Variants in SCRN2 observed in about 807,000 individuals in gnomAD.
The protein encoded by SCRN2 is secernin 2.
Under a neutral mutation model 40.1 loss-of-function variants are expected in SCRN2, and 30 were observed. That is an observed-to-expected ratio of 0.75 (90% CI 0.56 to 1.01). The LOEUF is 1.01. SCRN2 is among the 50% of genes least tolerant of loss of function. SCRN2 has a pLI of 0.00. For missense variants in SCRN2, 526 were observed against 564.9 expected (o/e 0.93, Z 0.70); for synonymous variants, 240 against 233.5 (o/e 1.03, Z -0.25).
chr17:47,839,849 A>C (rs1330507491), intron 3 of SCRN2: 2 of 616,620 alleles, frequency 3.2e-6, no homozygotes, highest in East Asian at 2.7e-5. Flanking sequence ...TGAGGGTTCC[A>C]TGAAAAGGCC....
intron 4 of SCRN2, 133 bp downstream of exon 4, chr17:47,839,311 G>C (rs891877208): frequency 1.1e-6 from 1 of 927,090 alleles, no homozygotes; most frequent in Non-Finnish European, 1.6e-6. Flanking sequence ...CCAAGTGAAG[G>C]GGAGGAGAAT....
At position 47,837,745 on chromosome 17, in the gene SCRN2, G is replaced by A; in HGVS notation, c.*99C>T. On this transcript the variant is annotated 3_prime_UTR_variant, in exon 8 of 8. Transcript: ENST00000290216. ...GGCCAAGCTGGCCGCTCAGAACATG[G>A]CCAAGGAGCGTGAAGGGATTGCTCC... The A allele has an allele frequency of 1.4e-5, 20 of 1,384,212 alleles. No individual in the cohort carries two copies. The highest frequency in any genetic ancestry group is 1.8e-5 in the Non-Finnish European group (19 of 1,046,124). The allele number at this position is 1,384,212 out of a possible 1,614,324, so 85.7% of individuals were successfully genotyped here.
At chr17:47,840,610 G>A (rs572683905) in intron 2 of SCRN2, 60 bp downstream of exon 2, 2 of 1,509,222 alleles carry the variant, frequency 1.3e-6, no homozygotes, top group East Asian at 2.3e-5. Flanking sequence ...CAGGGAAGAA[G>A]GTCTTAAAAG....
chr17:47,840,611 G>A (rs2033801848), intron 2 of SCRN2, 59 bp downstream of exon 2: 4 of 1,517,458 alleles, frequency 2.6e-6, no homozygotes, highest in Non-Finnish European at 3.5e-6. Flanking sequence ...AGGGAAGAAG[G>A]TCTTAAAAGA....
At chr17:47,839,216 A>T (rs1271628523) in intron 4 of SCRN2, among the ~76,000 whole-genome samples, 1 of 152,220 alleles carries the variant, frequency 6.6e-6, no homozygotes, top group Non-Finnish European at 1.5e-5. Flanking sequence ...ACCTGCTTGC[A>T]TATAAGCAGG....
intron 4 of SCRN2, 109 bp downstream of exon 4, chr17:47,839,335 C>T (rs1156354995): frequency 1.8e-6 from 2 of 1,096,546 alleles, no homozygotes; most frequent in East Asian, 2.6e-5. Flanking sequence ...CAAGTGGGCT[C>T]ATCTCCCATC....
chr17:47,837,857 T>C lies in SCRN2; in HGVS notation c.1265A>G (p.Gln422Arg). ...LFQAFVKRESQAYA is the reference protein window; with the variant it reads ...LFQAFVKRESRAYA ...AAGCTATGAAGCTTACGCATAAGCC[T>C]GGCTCTCCCTCTTCACGAAGGCCTG... Residue 422 changes from glutamine (Q) to arginine (R), a missense_variant, in exon 8 of 8, where the codon CAG becomes CGG. Gln to Arg is a conservative substitution (Grantham distance 43, BLOSUM62 1). Transcript: ENST00000290216. 6.2e-7 allele frequency: 1 copy of C among 1,600,286 alleles called. No homozygotes were observed. Among genetic ancestry groups the C allele is most frequent in the African/African-American group, 1.3e-5 (1 of 74,926 alleles).
intron 5 of SCRN2, 33 bp downstream of exon 5, chr17:47,838,758 C>T (rs1486140996): frequency 1.9e-6 from 3 of 1,610,752 alleles, no homozygotes; most frequent in Admixed American, 3.3e-5. Flanking sequence ...CTGTGGCCCT[C>T]CTGGCCCCCA....
chr17:47,839,407 C>G, intron 4 of SCRN2, 37 bp downstream of exon 4: 1 of 1,605,364 alleles, frequency 6.2e-7, no homozygotes, highest in Non-Finnish European at 8.5e-7. Context: ...TACCATCTCT[C>G]CCACTTCCCA....
rs1317457031 is a variant in SCRN2, at chr17:47,840,389, A to G, written c.175-17T>C. 1 of 1,612,704 alleles carries G rather than the reference A, an allele frequency of 6.2e-7. No individual in the cohort carries two copies. The highest frequency in any genetic ancestry group is 8.5e-7 in the Non-Finnish European group (1 of 1,179,132). On this transcript the variant is annotated splice_polypyrimidine_tract_variant and intron_variant, in intron 2 of 7. Coordinates refer to ENST00000290216, the MANE Select transcript of SCRN2 (RefSeq NM_138355.4). ...GTAGGTGCACTGGAGGTGAGGGAGG[A>G]GAAAGGAAGCGTCCACTCATAGAGG...
Position 47,837,877 on chromosome 17 carries a change from G to A in SCRN2, c.1245C>T (p.Ala415=), listed in dbSNP as rs1476886147. ...PLWELGSLFQ[A]FVKRESQAYA ...AAGCCTGGCTCTCCCTCTTCACGAA[G>A]GCCTGGAAGAGGCTGCCCAGCTCCC... The change falls in exon 8 of 8, where the codon GCC becomes GCT. Residue 415 remains alanine (A), a synonymous_variant. Coordinates refer to ENST00000290216, the MANE Select transcript of SCRN2 (RefSeq NM_138355.4). 3.1e-6 allele frequency: 5 copies of A among 1,602,450 alleles called. No individual in the cohort carries two copies. Among genetic ancestry groups the A allele is most frequent in the Non-Finnish European group, 4.2e-6 (5 of 1,179,652 alleles).
chr17:47,841,029 A>G, intron 1 of SCRN2, 179 bp downstream of exon 1: 1 of 480,898 alleles, frequency 2.1e-6, no homozygotes, highest in Non-Finnish European at 3.4e-6. Flanking sequence ...CAGGCTTGGG[A>G]GTCCGCAGGC....
rs61745061 is a variant in SCRN2, at chr17:47,837,963, C to T, written c.1159G>A (p.Glu387Lys). Reference protein sequence around the residue: ...QQLQQKQQDLEQEGLEATQGL... With the variant: ...QQLQQKQQDLKQEGLEATQGL... ...TGTGTGGCCTCGAGGCCTTCCTGCTCCAGATCCTGCTGTTTCTGCTGGAGC... is the reference window on the plus strand; with the variant it reads ...TGTGTGGCCTCGAGGCCTTCCTGCTTCAGATCCTGCTGTTTCTGCTGGAGC... Residue 387 changes from glutamate to lysine, a missense_variant, in exon 8 of 8, where the codon GAG becomes AAG. Transcript: ENST00000290216. The T allele has an allele frequency of 6.2e-7, 1 of 1,607,648 alleles. No individual in the cohort carries two copies. The highest frequency in any genetic ancestry group is 8.5e-7 in the Non-Finnish European group (1 of 1,179,584).
chr17:47,838,601 C>T lies in SCRN2; in HGVS notation c.868G>A (p.Val290Met). Residue 290 changes from valine to methionine, a missense_variant, in exon 6 of 8, where the codon GTG (valine) becomes ATG (methionine). By Grantham distance (21) the Val-to-Met change is conservative. Coordinates refer to ENST00000290216, the MANE Select transcript of SCRN2 (RefSeq NM_138355.4). ...SGGFRTTASM[V>M]SVLPQDPTQP... ...GTGGGATCCTGGGGCAGGACAGACACCATGCTGGCCGTGGTGCGAAAGCCT... is the reference window on the plus strand; with the variant it reads ...GTGGGATCCTGGGGCAGGACAGACATCATGCTGGCCGTGGTGCGAAAGCCT... 4.3e-6 allele frequency: 7 copies of T among 1,614,094 alleles called. No homozygotes were observed. Among genetic ancestry groups the T allele is most frequent in the Non-Finnish European group, 5.9e-6 (7 of 1,180,022 alleles).
At chr17:47,839,856 G>A in intron 3 of SCRN2, 2 of 610,756 alleles carry the variant, frequency 3.3e-6, no homozygotes, top group South Asian at 4.0e-5. Context: ...TCCATGAAAA[G>A]GCCTGAAACA....
chr17:47,839,719 G>A, intron 3 of SCRN2, 76 bp from the exon 4 acceptor site: 1 of 1,528,922 alleles, frequency 6.5e-7, no homozygotes, highest in Non-Finnish European at 9.0e-7. Context: ...CCAGGGGACA[G>A]AAGAGGCCCG....
intron 7 of SCRN2, 43 bp downstream of exon 7, chr17:47,838,227 G>T: frequency 6.4e-7 from 1 of 1,572,684 alleles, no homozygotes; most frequent in Non-Finnish European, 8.6e-7. Context: ...AGTGGGGGAG[G>T]TCTATCATCC....
In SCRN2 at chr17:47,838,566, G is replaced by A. The variant is rs766077281; in HGVS notation, c.903C>T (p.Cys301=). The change falls in exon 6 of 8, where the codon TGC becomes TGT. Residue 301 remains cysteine, a synonymous_variant. Transcript: ENST00000290216. ...SVLPQDPTQP[C]VHFLTATPDP... is the part of the protein sequence containing the mutation. The stretch of plus-strand genomic sequence containing the variant: ...CTGGCGTGGCGGTAAGAAAGTGCAC[G>A]CAGGGCTGCGTGGGATCCTGGGGCA... 46 of 1,613,936 alleles carry A rather than the reference G, an allele frequency of 2.9e-5. No individual in the cohort carries two copies. The highest frequency in any genetic ancestry group is 4.0e-5 in the African/African-American group (3 of 74,902).
At chr17:47,840,411 G>A (rs748540498) in intron 2 of SCRN2, 39 bp from the exon 3 acceptor site, 12 of 1,606,440 alleles carry the variant, frequency 7.5e-6, no homozygotes, top group Non-Finnish European at 1.0e-5. Flanking sequence ...TCCACTCATA[G>A]AGGGGCGGCC....
Sources: allele counts gnomAD v4.1 joint callset (sites outside exome capture counted in the v4.1 genomes callset), GRCh38; gene constraint gnomAD v4.1.1; transcripts MANE v1.5; gene names NCBI Gene and HGNC (gene_info 2026-07-23, HGNC 2026-07-21).